The following AFG2A variants were observed in gnomAD, a reference collection of about 807,000 sequenced individuals.
The protein encoded by AFG2A is ATPase family gene 2 protein homolog A.
the AFG2A span, among the ~76,000 whole-genome samples, chr4:123,088,043 T>C: frequency 6.6e-6 from 1 of 152,196 alleles, no homozygotes; most frequent in Non-Finnish European, 1.5e-5. Context: ...CCATTAACTG[T>C]AGCATAAAAT....
At chr4:123,132,616 G>GTGTACATATATATATATATATATA in the AFG2A span, among the ~76,000 whole-genome samples, 1 of 73,080 alleles carries the variant, frequency 1.4e-5, no homozygotes. Flanking sequence ...ATATATATAT[G>GTGTACATATATATATATATATATA]TGCATATATA....
the AFG2A span, among the ~76,000 whole-genome samples, chr4:122,926,295 T>G: frequency 6.6e-6 from 1 of 152,020 alleles, no homozygotes; most frequent in African/African-American, 2.4e-5. Context: ...TCATTGAGGT[T>G]TAGGAAGAAA....
At chr4:123,005,677 A>G in the AFG2A span, among the ~76,000 whole-genome samples, 1 of 152,204 alleles carries the variant, frequency 6.6e-6, no homozygotes, top group East Asian at 1.9e-4. Flanking sequence ...CATATTTGAT[A>G]TAGTGTATTT....
At chr4:123,121,013 G>A in the AFG2A span, among the ~76,000 whole-genome samples, 1 of 152,206 alleles carries the variant, frequency 6.6e-6, no homozygotes, top group Middle Eastern at 3.4e-3. Flanking sequence ...ATACCTTTCA[G>A]GGAAATAAGA....
chr4:123,299,149 G>GTGTGTC, the AFG2A span, among the ~76,000 whole-genome samples: 1 of 151,628 alleles, frequency 6.6e-6, no homozygotes, highest in African/African-American at 2.4e-5. Flanking sequence ...GTGTGTGTGT[G>GTGTGTC]TGTCTGTGCA....
the AFG2A span, among the ~76,000 whole-genome samples, chr4:123,218,844 A>G: frequency 6.6e-6 from 1 of 152,194 alleles, no homozygotes; most frequent in South Asian, 2.1e-4. Flanking sequence ...TATTTTTAAA[A>G]TGTCTGTATG....
chr4:122,956,589 C>G, the AFG2A span, among the ~76,000 whole-genome samples: 1 of 152,040 alleles, frequency 6.6e-6, no homozygotes, highest in Admixed American at 6.6e-5. Context: ...TCTATTTTCC[C>G]CTAATCTAGC....
the AFG2A span, among the ~76,000 whole-genome samples, chr4:122,986,178 C>T: frequency 2.0e-5 from 3 of 152,058 alleles, no homozygotes; most frequent in East Asian, 1.9e-4. Context: ...TATTGAGGCT[C>T]GTTTTATGGC....
chr4:122,954,337 A>G, the AFG2A span, among the ~76,000 whole-genome samples: 1 of 152,032 alleles, frequency 6.6e-6, no homozygotes, highest in South Asian at 2.1e-4. Flanking sequence ...GCCCAGCTCC[A>G]CTAGTTCCAT....
the AFG2A span, among the ~76,000 whole-genome samples, chr4:123,184,288 A>G: frequency 6.6e-6 from 1 of 152,264 alleles, no homozygotes; most frequent in Non-Finnish European, 1.5e-5. Flanking sequence ...ACACACTACT[A>G]TGATTTTGGC....
the AFG2A span, among the ~76,000 whole-genome samples, chr4:123,122,781 G>T: frequency 0.097 from 12,809 of 132,028 alleles, 728 homozygotes; most frequent in Middle Eastern, 0.19. Context: ...CTGTTTTTTT[G>T]TTTTTTTTTT....
the AFG2A span, chr4:122,935,673 C>G: frequency 2.7e-6 from 4 of 1,502,214 alleles, no homozygotes; most frequent in Non-Finnish European, 3.6e-6. Flanking sequence ...TATAAGAAAC[C>G]TAGTAATGGT....
chr4:123,003,204 G>A, the AFG2A span, among the ~76,000 whole-genome samples: 3 of 152,040 alleles, frequency 2.0e-5, no homozygotes, highest in Non-Finnish European at 4.4e-5. Context: ...TTATACATTC[G>A]TCTAAAGTTT....
At chr4:123,003,268 G>C in the AFG2A span, among the ~76,000 whole-genome samples, 1 of 152,186 alleles carries the variant, frequency 6.6e-6, no homozygotes, top group East Asian at 1.9e-4. Flanking sequence ...CTGTAGCTCG[G>C]AGTAGTTTGA....
the AFG2A span, among the ~76,000 whole-genome samples, chr4:123,011,216 T>A: frequency 6.6e-6 from 1 of 152,250 alleles, no homozygotes; most frequent in Non-Finnish European, 1.5e-5. Context: ...ATGAGTTTGC[T>A]GAGCTTTCTG....
At chr4:123,136,122 A>G in the AFG2A span, among the ~76,000 whole-genome samples, 1 of 152,218 alleles carries the variant, frequency 6.6e-6, no homozygotes, top group Admixed American at 6.5e-5. Context: ...GTAAGAAAAC[A>G]TGCTTTGTAT....
At chr4:123,285,727 G>T in the AFG2A span, among the ~76,000 whole-genome samples, 15 of 152,266 alleles carry the variant, frequency 9.9e-5, no homozygotes, top group East Asian at 2.9e-3. Flanking sequence ...AGGTACCAGA[G>T]TCAGACAGAT....
the AFG2A span, among the ~76,000 whole-genome samples, chr4:123,278,088 G>T: frequency 1.3e-5 from 2 of 152,084 alleles, no homozygotes; most frequent in African/African-American, 2.4e-5. Flanking sequence ...ATTCTGTCTG[G>T]TCCTGGGCTT....
At chr4:123,254,497 A>G in the AFG2A span, among the ~76,000 whole-genome samples, 1 of 152,206 alleles carries the variant, frequency 6.6e-6, no homozygotes, top group Non-Finnish European at 1.5e-5. Flanking sequence ...GAAGTCAAGT[A>G]GTGTAAATTT....
Sources: gnomAD v4.1 joint callset for allele counts (sites outside exome capture counted in the v4.1 genomes callset) on GRCh38, gnomAD v4.1.1 for gene constraint, MANE v1.5 for transcripts, NCBI Gene and HGNC (gene_info 2026-07-23, HGNC 2026-07-21) for gene names.